ADAMTSL3: variants seen among roughly 807,000 people sequenced by gnomAD.
The protein encoded by ADAMTSL3 is ADAMTS-like protein 3.
In ADAMTSL3, 128 loss-of-function variants were observed where a neutral mutation model predicts 201.7. The ratio of observed to expected loss-of-function variants is 0.63; its 90% CI spans 0.55 to 0.73. The LOEUF is 0.73. ADAMTSL3 is among the 30% of genes least tolerant of loss of function. The pLI, the probability that ADAMTSL3 is intolerant of heterozygous loss-of-function variation, is 0.00. For synonymous variants in ADAMTSL3, 738 were observed against 748.4 expected (o/e 0.99, Z 0.23); for missense variants, 1,990 against 2,119.6 (o/e 0.94, Z 1.20).
chr15:83,974,221 T>A (rs2067243313), intron 20 of ADAMTSL3, among the ~76,000 whole-genome samples: 1 of 152,210 alleles, frequency 6.6e-6, no homozygotes, highest in Non-Finnish European at 1.5e-5. Context: ...TATGACATTG[T>A]GGTTGAGCTA....
rs1049932516 is a variant in ADAMTSL3 at position 83,913,354 on chromosome 15, C to G, written c.1963C>G (p.Pro655Ala). The stretch of plus-strand genomic sequence containing the variant: ...CGACTGGGAGTACGCTGGGTTCACC[C>G]CTTGCACAGCAACATGCGTGGGAGG... Reference protein sequence around the residue: ...TYDWEYAGFTPCTATCVGGHQ... With the variant: ...TYDWEYAGFTACTATCVGGHQ... The change falls in exon 16 of 30, where the codon CCT becomes GCT. Residue 655 changes from proline to alanine, a missense_variant. Physicochemically the swap from Pro to Ala is conservative, Grantham distance 27. Coordinates refer to ENST00000286744, the MANE Select transcript of ADAMTSL3 (RefSeq NM_207517.3). 5 of 1,613,362 alleles carry G rather than the reference C, an allele frequency of 3.1e-6. No individual in the cohort carries two copies. In the East Asian group the frequency reaches 8.9e-5, roughly 29 times the overall value.
At chr15:83,987,993 A>G (rs1034440937) in intron 21 of ADAMTSL3, among the ~76,000 whole-genome samples, 26 of 152,218 alleles carry the variant, frequency 1.7e-4, no homozygotes, top group African/African-American at 6.3e-4. Context: ...ACCTTTAGAT[A>G]TATTTTCTGA....
At chr15:83,973,047 C>T (rs890728825) in intron 20 of ADAMTSL3, among the ~76,000 whole-genome samples, 3 of 152,154 alleles carry the variant, frequency 2.0e-5, no homozygotes, top group Middle Eastern at 3.2e-3. Context: ...TCAGGACACA[C>T]CACCACCAGG....
At chr15:83,846,483 G>T (rs2064500409) in intron 7 of ADAMTSL3, among the ~76,000 whole-genome samples, 1 of 152,220 alleles carries the variant, frequency 6.6e-6, no homozygotes, top group Non-Finnish European at 1.5e-5. Context: ...AGAGTGGTGG[G>T]ACAGGGAACA....
chr15:83,769,982 T>C lies in ADAMTSL3; in HGVS notation c.190-3541T>C, dbSNP rs55693850. On this transcript the variant is annotated intron_variant, in intron 3 of 29. Coordinates refer to ENST00000286744, the MANE Select transcript of ADAMTSL3 (RefSeq NM_207517.3). ...TTTTCTGTACACCAAGAATATGTGG[T>C]TTTTGTTTGTTTGCTTCCTTGTTTT... Among the ~76,000 whole-genome samples the C allele has an allele frequency of 2.5e-3, 386 of 152,180 alleles. 1 individual carries two copies. The highest frequency in any genetic ancestry group is 4.4e-3 in the Non-Finnish European group (299 of 68,016).
At chr15:83,924,164 CTT>C in intron 17 of ADAMTSL3, 131 bp downstream of exon 17, 1 of 1,240,290 alleles carries the variant, frequency 8.1e-7, no homozygotes, top group East Asian at 2.6e-5. Flanking sequence ...TCAGAGCTCT[CTT>C]TGCTCAAGTT....
In ADAMTSL3 at chr15:83,655,720, C is replaced by G; in HGVS notation, c.-33-9C>G. Reference sequence around the variant, plus strand: ...GCTGGTTGGTAATGAACTCTTTCCTCGTTTGTAGGCTACAACTGAGACCCG... The same window carrying G: ...GCTGGTTGGTAATGAACTCTTTCCTGGTTTGTAGGCTACAACTGAGACCCG... On this transcript the variant is annotated splice_polypyrimidine_tract_variant and intron_variant, in intron 1 of 29. Transcript: ENST00000286744. 2.5e-6 allele frequency: 4 copies of G among 1,602,878 alleles called. No homozygotes were observed. Among genetic ancestry groups the G allele is most frequent in the Non-Finnish European group, 3.4e-6 (4 of 1,170,568 alleles).
chr15:83,952,615 G>C (rs1043726314), intron 19 of ADAMTSL3, among the ~76,000 whole-genome samples: 3 of 151,980 alleles, frequency 2.0e-5, no homozygotes, highest in African/African-American at 7.3e-5. Context: ...ATATATCTGA[G>C]TGCTCCAGTG....
intron 16 of ADAMTSL3, among the ~76,000 whole-genome samples, chr15:83,920,311 A>G (rs984246604): frequency 2.0e-5 from 3 of 152,166 alleles, no homozygotes; most frequent in African/African-American, 7.2e-5. Flanking sequence ...AGTTTCTTCC[A>G]GCTCCTCTTG....
intron 2 of ADAMTSL3, among the ~76,000 whole-genome samples, chr15:83,698,525 G>A (rs771080091): frequency 1.3e-5 from 2 of 152,098 alleles, no homozygotes; most frequent in African/African-American, 4.8e-5. Context: ...TGGGAAGATC[G>A]CACACTTCCT....
intron 4 of ADAMTSL3, among the ~76,000 whole-genome samples, chr15:83,784,892 A>G (rs2063235564): frequency 6.6e-6 from 1 of 151,388 alleles, no homozygotes; most frequent in Non-Finnish European, 1.5e-5. Flanking sequence ...CTTTTCTTTC[A>G]TGGTAGTCAA....
At chr15:83,901,188 G>T (rs540599513) in intron 15 of ADAMTSL3, among the ~76,000 whole-genome samples, 1 of 152,288 alleles carries the variant, frequency 6.6e-6, no homozygotes, top group South Asian at 2.1e-4. Context: ...AGGGGGAATG[G>T]CTTCACAGTA....
At chr15:83,881,604 C>T (rs1196881739) in intron 9 of ADAMTSL3, among the ~76,000 whole-genome samples, 1 of 152,176 alleles carries the variant, frequency 6.6e-6, no homozygotes, top group Non-Finnish European at 1.5e-5. Context: ...CCTGTCATCC[C>T]AGCACTTTGG....
Position 83,869,154 on chromosome 15 carries a change from A to G in ADAMTSL3, c.803-1648A>G, listed in dbSNP as rs115917017. ...TGTATTTTGCATGCCTTCTGTGAGG[A>G]TGTGTTATGTTCCACTGAACTTTGC... On this transcript the variant is annotated intron_variant, in intron 8 of 29. Transcript: ENST00000286744. Among the ~76,000 whole-genome samples the G allele has an allele frequency of 7.9e-3, 1,195 of 152,202 alleles. 20 individuals are homozygous for G. The highest frequency in any genetic ancestry group is 0.027 in the African/African-American group (1,137 of 41,540).
chr15:84,021,691 TTTTATCACTTAC>T, intron 26 of ADAMTSL3, 98 bp downstream of exon 26: 1 of 1,319,086 alleles, frequency 7.6e-7, no homozygotes, highest in Admixed American at 2.5e-5. Flanking sequence ...GCTAAGTTTT[TTTTATCACTTAC>T]TGTATACTAG....
intron 6 of ADAMTSL3, among the ~76,000 whole-genome samples, chr15:83,830,050 G>T (rs1434697918): frequency 6.6e-6 from 1 of 152,114 alleles, no homozygotes; most frequent in Non-Finnish European, 1.5e-5. Flanking sequence ...CTGAATGTTT[G>T]GTTGGATGTG....
At chr15:83,727,832 T>C (rs910177888) in intron 3 of ADAMTSL3, among the ~76,000 whole-genome samples, 2 of 152,086 alleles carry the variant, frequency 1.3e-5, no homozygotes, top group Non-Finnish European at 2.9e-5. Flanking sequence ...GAAGAAAGTG[T>C]ATTCTGCAAC....
intron 8 of ADAMTSL3, among the ~76,000 whole-genome samples, chr15:83,866,586 A>G (rs1389351797): frequency 6.6e-6 from 1 of 151,958 alleles, no homozygotes; most frequent in Non-Finnish European, 1.5e-5. Context: ...AGGAAGGGGA[A>G]CATCACACAC....
At chr15:83,792,479 C>T (rs1294307218) in intron 4 of ADAMTSL3, among the ~76,000 whole-genome samples, 1 of 152,086 alleles carries the variant, frequency 6.6e-6, no homozygotes, top group African/African-American at 2.4e-5. Context: ...ACAGTATAAG[C>T]GTTCCTCAAG....
Sources: allele counts gnomAD v4.1 joint callset (sites outside exome capture counted in the v4.1 genomes callset), GRCh38; gene constraint gnomAD v4.1.1; transcripts MANE v1.5; gene names NCBI Gene and HGNC (gene_info 2026-07-23, HGNC 2026-07-21).